The following TRIP4 variants were observed in gnomAD, a reference collection of about 807,000 sequenced individuals.
TRIP4 encodes the protein thyroid hormone receptor interactor 4.
A neutral mutation model predicts 81.8 loss-of-function variants in TRIP4; 54 were observed. The ratio of observed to expected loss-of-function variants is 0.66; its 90% CI spans 0.53 to 0.83. TRIP4 has a LOEUF of 0.83. Among genes scored for constraint, TRIP4 ranks in the 40% least tolerant of loss-of-function variants. The pLI is 0.00. For synonymous variants in TRIP4, 270 were observed against 242.8 expected (o/e 1.11, Z -1.04); for missense variants, 662 against 683.6 (o/e 0.97, Z 0.35).
At chr15:64,446,998 G>C (rs1892649078) in intron 12 of TRIP4, among the ~76,000 whole-genome samples, 1 of 152,058 alleles carries the variant, frequency 6.6e-6, no homozygotes, top group African/African-American at 2.4e-5. Context: ...CAGCTACTCG[G>C]GAGGCTGAGG....
chr15:64,443,892 A>G (rs72741329), intron 11 of TRIP4, among the ~76,000 whole-genome samples: 7,334 of 152,024 alleles, frequency 0.048, 234 homozygotes, highest in South Asian at 0.086. Flanking sequence ...TACATGTCCC[A>G]CCTCTTCCAC....
chr15:64,444,852 G>T (rs1892588850), intron 11 of TRIP4, 154 bp from the exon 12 acceptor site: 1 of 512,422 alleles, frequency 2.0e-6, no homozygotes, highest in Admixed American at 3.6e-5. Flanking sequence ...AAAGGTGAAG[G>T]TTTGTTCTTG....
intron 1 of TRIP4, among the ~76,000 whole-genome samples, chr15:64,390,548 T>C (rs961846276): frequency 1.2e-4 from 19 of 152,064 alleles, no homozygotes; most frequent in Admixed American, 1.1e-3. Flanking sequence ...TGTAGTCTTC[T>C]CAGTCTAGAA....
chr15:64,432,668 T>G (rs1892304115), intron 11 of TRIP4, among the ~76,000 whole-genome samples: 1 of 150,674 alleles, frequency 6.6e-6, no homozygotes, highest in Non-Finnish European at 1.5e-5. Flanking sequence ...TCCCAGCAGC[T>G]TGGGAGGCCA....
intron 6 of TRIP4, 26 bp downstream of exon 6, chr15:64,406,485 G>A: frequency 6.2e-7 from 1 of 1,607,464 alleles, no homozygotes; most frequent in South Asian, 1.1e-5. Context: ...AATAACAAAT[G>A]CTAAGAAATA....
chr15:64,417,548 C>T (rs1223035992), intron 8 of TRIP4, among the ~76,000 whole-genome samples: 2 of 152,148 alleles, frequency 1.3e-5, no homozygotes, highest in African/African-American at 4.8e-5. Flanking sequence ...TATCGTTGCT[C>T]TGGAAGAAAC....
intron 1 of TRIP4, among the ~76,000 whole-genome samples, chr15:64,389,220 C>G (rs1322140453): frequency 1.3e-5 from 2 of 152,170 alleles, no homozygotes; most frequent in Admixed American, 6.5e-5. Flanking sequence ...ATTCCTTGGT[C>G]ACTGATGTTG....
chr15:64,421,652 T>TAA (rs1892016331), intron 9 of TRIP4, among the ~76,000 whole-genome samples: 1 of 152,168 alleles, frequency 6.6e-6, no homozygotes, highest in Non-Finnish European at 1.5e-5. Context: ...GTACCTTTTC[T>TAA]ATGTCTAGAT....
Position 64,400,774 on chromosome 15 carries a change from A to G in TRIP4, c.650A>G (p.Gln217Arg). 6.2e-7 allele frequency: 1 copy of G among 1,614,140 alleles called. No individual in the cohort carries two copies. The highest frequency in any genetic ancestry group is 1.1e-5 in the South Asian group (1 of 91,084). ...VCTHEEQDIL[Q>R]RDSNKSQKLL... is the part of the protein sequence containing the mutation. Reference sequence around the variant, plus strand: ...ACTCATGAGGAACAAGATATTTTACAGCGTGACTCAAACAAGAGCCAGAAA... The same window carrying G: ...ACTCATGAGGAACAAGATATTTTACGGCGTGACTCAAACAAGAGCCAGAAA... The change falls in exon 5 of 13, where the codon CAG (glutamine) becomes CGG (arginine). Residue 217 changes from glutamine (Q) to arginine (R), a missense_variant. Coordinates refer to ENST00000261884, the MANE Select transcript of TRIP4 (RefSeq NM_016213.5).
intron 12 of TRIP4, among the ~76,000 whole-genome samples, chr15:64,445,474 CAAA>C (rs35637313): frequency 6.1e-5 from 8 of 131,014 alleles, no homozygotes; most frequent in Admixed American, 1.5e-4. Flanking sequence ...CTAAGATTAC[CAAA>C]AAAAAAAAAA....
intron 4 of TRIP4, among the ~76,000 whole-genome samples, chr15:64,399,092 G>A (rs975593202): frequency 1.3e-5 from 2 of 151,622 alleles, no homozygotes; most frequent in Admixed American, 6.6e-5. Flanking sequence ...TGGGACAACA[G>A]GGACACACCA....
intron 11 of TRIP4, among the ~76,000 whole-genome samples, chr15:64,437,193 G>A (rs1892420958): frequency 6.6e-6 from 1 of 151,762 alleles, no homozygotes; most frequent in Admixed American, 6.6e-5. Flanking sequence ...GGCTGAGGTG[G>A]GTGGATCACG....
intron 11 of TRIP4, among the ~76,000 whole-genome samples, chr15:64,434,245 T>C (rs1289632342): frequency 6.6e-6 from 1 of 151,742 alleles, no homozygotes; most frequent in African/African-American, 2.4e-5. Flanking sequence ...ACTAGAAATA[T>C]AAAATTAGCT....
chr15:64,447,148 A>G (rs1022810734), intron 12 of TRIP4, among the ~76,000 whole-genome samples: 2 of 152,130 alleles, frequency 1.3e-5, no homozygotes, highest in African/African-American at 4.8e-5. Flanking sequence ...AAAAACACAC[A>G]TATAGTAGTG....
chr15:64,398,716 C>G (rs1900368251), intron 4 of TRIP4, among the ~76,000 whole-genome samples: 1 of 152,066 alleles, frequency 6.6e-6, no homozygotes, highest in Non-Finnish European at 1.5e-5. Flanking sequence ...CTTCTATTTC[C>G]AGGATTCCAC....
At chr15:64,404,712 G>T (rs7168657) in intron 5 of TRIP4, among the ~76,000 whole-genome samples, 149,700 of 152,234 alleles carry the variant, frequency 0.98, 73,647 homozygotes, top group East Asian at 1. Flanking sequence ...TGTACGTACT[G>T]TCCTTGTTTG....
intron 2 of TRIP4, among the ~76,000 whole-genome samples, chr15:64,394,574 C>T (rs1383008281): frequency 7.0e-6 from 1 of 142,094 alleles, no homozygotes; most frequent in Non-Finnish European, 1.5e-5. Context: ...CACTGCACTC[C>T]AGCCTGGGCG....
At chr15:64,453,755 AAG>A (rs1892823467) in intron 12 of TRIP4, among the ~76,000 whole-genome samples, 1 of 152,174 alleles carries the variant, frequency 6.6e-6, no homozygotes, top group Admixed American at 6.5e-5. Flanking sequence ...TAAACAGACA[AAG>A]AGAGATATAC....
chr15:64,432,566 C>T (rs987330861), intron 11 of TRIP4, among the ~76,000 whole-genome samples: 5 of 151,782 alleles, frequency 3.3e-5, no homozygotes, highest in South Asian at 2.1e-4. Flanking sequence ...GCCGAGATTG[C>T]GCCACTGCAC....
Sources: gnomAD v4.1 joint callset for allele counts (sites outside exome capture counted in the v4.1 genomes callset) on GRCh38, gnomAD v4.1.1 for gene constraint, MANE v1.5 for transcripts, NCBI Gene and HGNC (gene_info 2026-07-23, HGNC 2026-07-21) for gene names.